SAPCD2: variants seen among roughly 807,000 people sequenced by gnomAD.
SAPCD2 encodes the protein suppressor APC domain containing 2, also known as suppressor APC domain-containing protein 2.
Under a neutral mutation model 37.8 loss-of-function variants are expected in SAPCD2, and 34 were observed. The ratio of observed to expected loss-of-function variants is 0.90; its 90% confidence interval spans 0.68 to 1.20. SAPCD2 has a LOEUF of 1.20. SAPCD2 is among the 50% of genes most tolerant of loss of function. SAPCD2 has a pLI of 0.00. For missense variants in SAPCD2, 572 were observed against 584.7 expected (o/e 0.98, Z 0.22); for synonymous variants, 275 against 270.3 (o/e 1.02, Z -0.17).
At position 137,069,959 on chromosome 9, in the gene SAPCD2, C is replaced by T. The variant is rs1832599962; in HGVS notation, c.502G>A (p.Ala168Thr). 3 of 1,251,810 alleles carry T rather than the reference C, an allele frequency of 2.4e-6. No individual in the cohort carries two copies. Among genetic ancestry groups the T allele is most frequent in the Non-Finnish European group, 3.0e-6 (3 of 999,328 alleles). 77.5% of individuals were successfully genotyped at this position (1,251,810 alleles called of 1,614,324 possible). Residue 168 changes from alanine to threonine, a missense_variant, in exon 1 of 6, where the codon GCG (alanine) becomes ACG (threonine). Ala to Thr is a moderately conservative substitution (Grantham distance 58). Coordinates refer to ENST00000409687, the MANE Select transcript of SAPCD2 (RefSeq NM_178448.4). ...PEQLCAPAEA[A>T]PCPAEPERSQ... ...CGCTCGGGCTCCGCGGGGCAGGGCG[C>T]CGCCTCAGCCGGGGCGCACAGCTGC...
chr9:137,065,899 C>T (rs924843433), intron 2 of SAPCD2, among the ~76,000 whole-genome samples: 1 of 152,204 alleles, frequency 6.6e-6, no homozygotes, highest in Admixed American at 6.5e-5. Flanking sequence ...GGGTCTTGGC[C>T]TTTCTTAGCC....
Position 137,069,950 on chromosome 9 carries a change from G to C in SAPCD2, c.511C>G (p.Pro171Ala), listed in dbSNP as rs1223407143. The C allele has an allele frequency of 2.8e-5, 35 of 1,260,490 alleles. No homozygotes were observed. The highest frequency in any genetic ancestry group is 3.3e-5 in the Non-Finnish European group (33 of 1,004,026). 78.1% of individuals were successfully genotyped at this position (1,260,490 alleles called of 1,614,324 possible). Residue 171 changes from proline (P) to alanine (A), a missense_variant, in exon 1 of 6, where the codon CCC (proline) becomes GCC (alanine). Pro to Ala is a conservative substitution (Grantham distance 27). Transcript: ENST00000409687. ...LCAPAEAAPC[P>A]AEPERSQSAA... ...CTCTGGGACCGCTCGGGCTCCGCGG[G>C]GCAGGGCGCCGCCTCAGCCGGGGCG...
intron 4 of SAPCD2, 30 bp downstream of exon 4, chr9:137,065,048 C>A: frequency 6.7e-7 from 1 of 1,498,062 alleles, no homozygotes; most frequent in Non-Finnish European, 9.0e-7. Context: ...TGGGCCCCAG[C>A]GTGGGTGTGG....
chr9:137,070,020 A>T lies in SAPCD2; in HGVS notation c.441T>A (p.Pro147=). ...GGGCGGCGGCGCTGGGACCGGCCAGAGGGGCGCGCACGCCCAGGGGCAGGG... is the reference window on the plus strand; with the variant it reads ...GGGCGGCGGCGCTGGGACCGGCCAGTGGGGCGCGCACGCCCAGGGGCAGGG... ...RKPLPLGVRA[P]LAGPSAAARS... The change falls in exon 1 of 6, where the codon CCT becomes CCA. Residue 147 remains proline, a synonymous_variant. Transcript: ENST00000409687. The T allele has an allele frequency of 8.3e-7, 1 of 1,205,738 alleles. No individual in the cohort carries two copies. The highest frequency in any genetic ancestry group is 3.4e-5 in the East Asian group (1 of 29,302). 74.7% of individuals were successfully genotyped at this position (1,205,738 alleles called of 1,614,324 possible). A position where few individuals can be genotyped will look rare whatever the true frequency, so the allele number is the denominator to read the frequency against.
At chr9:137,069,359 A>C (rs1242072155) in intron 1 of SAPCD2, among the ~76,000 whole-genome samples, 1 of 152,178 alleles carries the variant, frequency 6.6e-6, no homozygotes, top group Non-Finnish European at 1.5e-5. Context: ...CCATCTTGGC[A>C]ACAGGGCCAG....
At position 137,069,870 on chromosome 9, in the gene SAPCD2, G is replaced by A. The variant is rs548084924; in HGVS notation, c.571+20C>T. 6.2e-5 allele frequency: 78 copies of A among 1,249,366 alleles called. No individual in the cohort carries two copies. The African/African-American group carries it at 1.1e-3, about 17-fold the overall frequency. 77.4% of individuals were successfully genotyped at this position (1,249,366 alleles called of 1,614,324 possible). A position where few individuals can be genotyped will look rare whatever the true frequency, so the allele number is the denominator to read the frequency against. On this transcript the variant is annotated intron_variant, in intron 1 of 5. Transcript: ENST00000409687. Reference sequence around the variant, plus strand: ...GCCCGGGAGAGCTACGAGGGTGCCCGGGGGCCGTCCGGAACTCACCTGCGT... The same window carrying A: ...GCCCGGGAGAGCTACGAGGGTGCCCAGGGGCCGTCCGGAACTCACCTGCGT...
rs761730315 is a variant in SAPCD2, at chr9:137,066,240, C to T, written c.684+22G>A. The T allele has an allele frequency of 9.6e-6, 15 of 1,570,146 alleles. No homozygotes were observed. In the South Asian group the frequency reaches 1.7e-4, roughly 18 times the overall value. Reference sequence around the variant, plus strand: ...CCTCCAGGCAAGATGGAGAGCCCCACAGAGCCCCAGTCCCTGCTCACCAGG... The same window carrying T: ...CCTCCAGGCAAGATGGAGAGCCCCATAGAGCCCCAGTCCCTGCTCACCAGG... On this transcript the variant is annotated intron_variant, in intron 2 of 5. Coordinates refer to ENST00000409687, the MANE Select transcript of SAPCD2 (RefSeq NM_178448.4).
At chr9:137,069,352 T>C (rs1415673045) in intron 1 of SAPCD2, among the ~76,000 whole-genome samples, 1 of 152,122 alleles carries the variant, frequency 6.6e-6, no homozygotes, top group African/African-American at 2.4e-5. Context: ...CCCCTGCCCA[T>C]CTTGGCAACA....
chr9:137,065,017 CG>C, intron 4 of SAPCD2, 38 bp from the exon 5 acceptor site: 1 of 1,488,286 alleles, frequency 6.7e-7, no homozygotes, highest in African/African-American at 1.4e-5. Context: ...TGGACGAGGG[CG>C]GGGAAGCACT....
rs774168228 is a variant in SAPCD2 at position 137,066,312 on chromosome 9, G to A, written c.634C>T (p.Arg212Ter). 9.9e-6 allele frequency: 16 copies of A among 1,609,882 alleles called. No homozygotes were observed. The highest frequency in any genetic ancestry group is 2.7e-5 in the African/African-American group (2 of 74,904). The change falls in exon 2 of 6, where the codon CGA becomes TGA. Residue 212 changes from arginine (R) to a stop codon, truncating the protein, a stop_gained. Coordinates refer to ENST00000409687, the MANE Select transcript of SAPCD2 (RefSeq NM_178448.4). LOFTEE classifies it high-confidence loss of function. ...ATGGTGTGCCTCCGACGTTCCCCTC[G>A]GGCACGGGGAGCCCGCCGGGCATCC... ...SGDARRAPRA[R>*]GERRRHTIAS...
rs1311322350 is a variant in SAPCD2, at chr9:137,070,095, G to A, written c.366C>T (p.Arg122=). Residue 122 remains arginine (R), a synonymous_variant, in exon 1 of 6, where the codon CGC becomes CGT. Coordinates refer to ENST00000409687, the MANE Select transcript of SAPCD2 (RefSeq NM_178448.4). ...GCTCGTCGGCCGGAGCGAACACCAG[G>A]CGCTGCGGCGGCGGCGGCGGCTGAT... ...PGDQPPPPPQ[R]LVFAPADEPR... 3.4e-6 allele frequency: 4 copies of A among 1,191,606 alleles called. No homozygotes were observed. The highest frequency in any genetic ancestry group is 4.2e-6 in the Non-Finnish European group (4 of 962,820). 73.8% of individuals were successfully genotyped at this position (1,191,606 alleles called of 1,614,324 possible).
chr9:137,066,862 G>C (rs150802845), intron 1 of SAPCD2, among the ~76,000 whole-genome samples: 1 of 152,338 alleles, frequency 6.6e-6, no homozygotes, highest in Non-Finnish European at 1.5e-5. Context: ...CTGATAGAAA[G>C]TTAGTCCCGC....
chr9:137,065,180 A>G lies in SAPCD2; in HGVS notation c.837T>C (p.Phe279=). Residue 279 remains phenylalanine (F), a synonymous_variant, in exon 4 of 6, where the codon TTT becomes TTC. Coordinates refer to ENST00000409687, the MANE Select transcript of SAPCD2 (RefSeq NM_178448.4). The part of the protein sequence containing the change: ...RLGQSRASAD[F]GAAGSPRPLG... ...GTGGGCGGGGGCTCCCTGCAGCCCC[A>G]AAGTCCTGGGAAGAAAGCAGAGGAC... 17 of 1,468,682 alleles carry G rather than the reference A, an allele frequency of 1.2e-5. No individual in the cohort carries two copies. The highest frequency in any genetic ancestry group is 1.5e-5 in the Non-Finnish European group (17 of 1,112,320). 91.0% of individuals were successfully genotyped at this position (1,468,682 alleles called of 1,614,324 possible).
rs747876703 is a variant in SAPCD2, at chr9:137,066,371, G to A, written c.575C>T (p.Ala192Val). Reference sequence around the variant, plus strand: ...CGCCTCCAGGGCCCTGCACGCCACTGCACCTGTTATGGAGAGGCATGGGCC... The same window carrying A: ...CGCCTCCAGGGCCCTGCACGCCACTACACCTGTTATGGAGAGGCATGGGCC... ...LEPSSSADAG[A>V]VACRALEADS... The change falls in exon 2 of 6, where the codon GCA becomes GTA. Residue 192 changes from alanine (A) to valine (V), a missense_variant. By Grantham distance (64) the Ala-to-Val change is moderately conservative (BLOSUM62 0). Transcript: ENST00000409687. 103 of 1,598,460 alleles carry A rather than the reference G, an allele frequency of 6.4e-5. No individual in the cohort carries two copies. The Middle Eastern group carries it at 1.7e-3, about 26-fold the overall frequency.
In SAPCD2 at chr9:137,064,561, C is replaced by T. The variant is rs1832513656; in HGVS notation, c.*98G>A. On this transcript the variant is annotated 3_prime_UTR_variant, in exon 6 of 6. Transcript: ENST00000409687. Reference sequence around the variant, plus strand: ...ACTCCGGGACTGTGCCTGGGCCTGCCGGGGGTCTCCAGCCAGAGAGGGTGG... The same window carrying T: ...ACTCCGGGACTGTGCCTGGGCCTGCTGGGGGTCTCCAGCCAGAGAGGGTGG... The T allele has an allele frequency of 4.2e-6, 6 of 1,417,600 alleles. No homozygotes were observed. The highest frequency in any genetic ancestry group is 2.5e-5 in the South Asian group (2 of 79,548). The allele number at this position is 1,417,600 out of a possible 1,614,324, so 87.8% of individuals were successfully genotyped here. A position where few individuals can be genotyped will look rare whatever the true frequency, so the allele number is the denominator to read the frequency against.
At position 137,064,418 on chromosome 9, in the gene SAPCD2, A is replaced by G. The variant is rs965792052; in HGVS notation, c.*241T>C. 1.0e-5 allele frequency: 6 copies of G among 579,582 alleles called. No individual in the cohort carries two copies. The highest frequency in any genetic ancestry group is 1.5e-5 in the Non-Finnish European group (5 of 324,158). 35.9% of individuals were successfully genotyped at this position (579,582 alleles called of 1,614,324 possible). On this transcript the variant is annotated 3_prime_UTR_variant, in exon 6 of 6. Coordinates refer to ENST00000409687, the MANE Select transcript of SAPCD2 (RefSeq NM_178448.4). ...TAGTAGCTGCGGACTATGCGGACTC[A>G]AGAGAGCCCCAGCCCATGTCAGCAC...
Position 137,070,442 on chromosome 9 carries a change from C to A in SAPCD2, c.19G>T (p.Ala7Ser). MAGAAM[A>S]ERGRVPPPAP... ...GGGGGAGGCACGCGGCCCCGCTCGG[C>A]CATGGCGGCCCCGGCCATGGGCGCC... The change falls in exon 1 of 6, where the codon GCC (alanine) becomes TCC (serine). Residue 7 changes from alanine (A) to serine (S), a missense_variant. Ala to Ser is a moderately conservative substitution (Grantham distance 99, BLOSUM62 1). Coordinates refer to ENST00000409687, the MANE Select transcript of SAPCD2 (RefSeq NM_178448.4). 8.0e-7 allele frequency: 1 copy of A among 1,243,874 alleles called. No individual in the cohort carries two copies. The highest frequency in any genetic ancestry group is 1.0e-6 in the Non-Finnish European group (1 of 995,650). 77.1% of individuals were successfully genotyped at this position (1,243,874 alleles called of 1,614,324 possible). A position where few individuals can be genotyped will look rare whatever the true frequency, so the allele number is the denominator to read the frequency against.
chr9:137,068,159 G>A (rs748264135), intron 1 of SAPCD2, among the ~76,000 whole-genome samples: 8 of 152,244 alleles, frequency 5.3e-5, no homozygotes, highest in South Asian at 2.1e-4. Flanking sequence ...AGGCAGGCCC[G>A]AATTCGCACT....
chr9:137,066,396 C>G (rs1832547142), intron 1 of SAPCD2, 22 bp from the exon 2 acceptor site: 1 of 1,540,262 alleles, frequency 6.5e-7, no homozygotes, highest in Admixed American at 1.9e-5. Flanking sequence ...AGGCATGGGC[C>G]TGGCTCACCT....
Sources: gnomAD v4.1 joint callset for allele counts (sites outside exome capture counted in the v4.1 genomes callset) on GRCh38, gnomAD v4.1.1 for gene constraint, MANE v1.5 for transcripts, NCBI Gene and HGNC (gene_info 2026-07-23, HGNC 2026-07-21) for gene names.